ADGRL3: variants seen among roughly 807,000 people sequenced by gnomAD.
ADGRL3 encodes calcium-independent alpha-latrotoxin receptor 3.
A neutral mutation model predicts 153.5 loss-of-function variants in ADGRL3; 62 were observed. The observed-to-expected ratio is 0.40, with a 90% CI of 0.33 to 0.50. The LOEUF (loss-of-function observed/expected upper bound fraction) is 0.50. ADGRL3 is among the 20% of genes least tolerant of loss of function. ADGRL3 has a pLI of 0.47. For missense variants in ADGRL3, 1,641 were observed against 1,859.4 expected (o/e 0.88, Z 2.16); for synonymous variants, 710 against 672.5 (o/e 1.06, Z -0.86).
chr4:62,036,297 C>T (rs1724953342), intron 23 of ADGRL3, among the ~76,000 whole-genome samples: 1 of 151,914 alleles, frequency 6.6e-6, no homozygotes, highest in Non-Finnish European at 1.5e-5. Flanking sequence ...TTTATTTCAA[C>T]TTCACTCTGT....
intron 2 of ADGRL3, among the ~76,000 whole-genome samples, chr4:61,465,906 G>C (rs1361272969): frequency 6.6e-6 from 1 of 151,660 alleles, no homozygotes; most frequent in Non-Finnish European, 1.5e-5. Flanking sequence ...TGGATTGCCT[G>C]AACTCAGGTG....
chr4:62,036,727 G>A (rs1009044521), intron 23 of ADGRL3, among the ~76,000 whole-genome samples: 8 of 151,908 alleles, frequency 5.3e-5, no homozygotes, highest in Admixed American at 3.3e-4. Flanking sequence ...GCACTAATGC[G>A]AAATCAAATA....
In ADGRL3 at chr4:61,897,084, T is replaced by C. The variant is rs1010779803; in HGVS notation, c.1887+1250T>C. Among the ~76,000 whole-genome samples, 4 of 152,224 alleles carry C rather than the reference T, an allele frequency of 2.6e-5. 1 individual carries two copies. The highest frequency in any genetic ancestry group is 4.1e-4 in the South Asian group (2 of 4,830). On this transcript the variant is annotated intron_variant, in intron 11 of 26. Transcript: ENST00000683033. The stretch of plus-strand genomic sequence containing the variant: ...ATAATGATGCTTAATTCTTTTCTTT[T>C]CTCTGCAGCCCAGCTAATCTTAGGA...
At chr4:61,851,207 A>G (rs2098198369) in intron 9 of ADGRL3, among the ~76,000 whole-genome samples, 1 of 152,208 alleles carries the variant, frequency 6.6e-6, no homozygotes, top group Non-Finnish European at 1.5e-5. Context: ...GATCTTCAGT[A>G]GTAACATAAG....
At chr4:62,034,652 T>C (rs1206002563) in intron 23 of ADGRL3, among the ~76,000 whole-genome samples, 4 of 151,886 alleles carry the variant, frequency 2.6e-5, no homozygotes, top group African/African-American at 7.2e-5. Context: ...TAGTTGCTTA[T>C]ATATTTTGAT....
At chr4:62,056,286 T>G (rs1446590004) in intron 25 of ADGRL3, among the ~76,000 whole-genome samples, 3 of 151,864 alleles carry the variant, frequency 2.0e-5, no homozygotes, top group African/African-American at 7.2e-5. Flanking sequence ...AATATATATT[T>G]GGAGTACTTC....
At chr4:61,513,322 T>C (rs2098473599) in intron 3 of ADGRL3, among the ~76,000 whole-genome samples, 1 of 152,194 alleles carries the variant, frequency 6.6e-6, no homozygotes, top group South Asian at 2.1e-4. Flanking sequence ...TGAATTCTGA[T>C]ATTTATGGGT....
At chr4:61,540,442 G>A (rs1448452391) in intron 4 of ADGRL3, among the ~76,000 whole-genome samples, 5 of 151,894 alleles carry the variant, frequency 3.3e-5, no homozygotes, top group Non-Finnish European at 5.9e-5. Context: ...CCAGCTATCC[G>A]GGAGGCTGAG....
chr4:62,037,840 A>T lies in ADGRL3; in HGVS notation c.3701A>T (p.Tyr1234Phe). The T allele has an allele frequency of 6.2e-7, 1 of 1,613,662 alleles. No homozygotes were observed. Among genetic ancestry groups the T allele is most frequent in the Non-Finnish European group, 8.5e-7 (1 of 1,179,738 alleles). The change falls in exon 24 of 27, where the codon TAC (tyrosine) becomes TTC (phenylalanine). Residue 1234 changes from tyrosine (Y) to phenylalanine (F), a missense_variant. Around this residue, in one of 5 missense-constraint regions of ADGRL3, gnomAD observed 517 missense variants for 555.0 expected, o/e 0.93. Coordinates refer to ENST00000683033, the MANE Select transcript of ADGRL3 (RefSeq NM_001387552.1). ...TCTGGTTCTCGAACTCCTGGACGCT[A>T]CTCCACAGGCTCACAGGTAAACAAT... ...KTSGSRTPGR[Y>F]STGSQSRIRR...
chr4:61,804,293 A>G (rs1423456035), intron 8 of ADGRL3, among the ~76,000 whole-genome samples: 1 of 152,146 alleles, frequency 6.6e-6, no homozygotes, highest in Non-Finnish European at 1.5e-5. Flanking sequence ...TATTGATCTC[A>G]ATCAGCTAAC....
At chr4:62,039,926 G>C (rs888635596) in intron 24 of ADGRL3, among the ~76,000 whole-genome samples, 1 of 151,998 alleles carries the variant, frequency 6.6e-6, no homozygotes, top group Non-Finnish European at 1.5e-5. Context: ...ATAATATTTA[G>C]GAGTCTCATT....
chr4:61,925,229 C>G (rs1373420798), intron 13 of ADGRL3, among the ~76,000 whole-genome samples: 1 of 152,092 alleles, frequency 6.6e-6, no homozygotes, highest in Non-Finnish European at 1.5e-5. Context: ...AAGGAAAACC[C>G]TCTTTCCATC....
At chr4:61,387,208 C>A (rs1032614030) in intron 2 of ADGRL3, among the ~76,000 whole-genome samples, 3 of 151,896 alleles carry the variant, frequency 2.0e-5, no homozygotes, top group South Asian at 2.1e-4. Flanking sequence ...AGGGAGTGTG[C>A]GAAGAGGTGT....
At chr4:61,238,840 A>G (rs953928653) in intron 1 of ADGRL3, among the ~76,000 whole-genome samples, 2 of 152,184 alleles carry the variant, frequency 1.3e-5, no homozygotes, top group Non-Finnish European at 2.9e-5. Flanking sequence ...ATTTGAAGTA[A>G]TACACATTCC....
intron 8 of ADGRL3, among the ~76,000 whole-genome samples, chr4:61,771,358 C>T (rs963886771): frequency 6.6e-6 from 1 of 152,146 alleles, no homozygotes; most frequent in Non-Finnish European, 1.5e-5. Flanking sequence ...TTCATAACTG[C>T]ATAATTCCAT....
intron 1 of ADGRL3, among the ~76,000 whole-genome samples, chr4:61,316,565 C>A (rs2095221255): frequency 6.6e-6 from 1 of 152,052 alleles, no homozygotes; most frequent in Admixed American, 6.6e-5. Flanking sequence ...TTGTTTACAC[C>A]GTAAAAAGAT....
chr4:61,978,191 C>G (rs2099054665), intron 17 of ADGRL3, among the ~76,000 whole-genome samples: 1 of 152,106 alleles, frequency 6.6e-6, no homozygotes, highest in South Asian at 2.1e-4. Context: ...ACAACTCCTT[C>G]TTGTCAACTC....
chr4:61,400,511 T>C (rs1305456567), intron 2 of ADGRL3, among the ~76,000 whole-genome samples: 1 of 151,886 alleles, frequency 6.6e-6, no homozygotes, highest in African/African-American at 2.4e-5. Context: ...CACTATATAT[T>C]GTTCCTGGGA....
At chr4:61,979,317 G>A (rs1299135650) in intron 17 of ADGRL3, among the ~76,000 whole-genome samples, 1 of 152,314 alleles carries the variant, frequency 6.6e-6, no homozygotes, top group East Asian at 1.9e-4. Flanking sequence ...GAAAATGCTT[G>A]TAGCTAAGAA....
Sources: allele counts gnomAD v4.1 joint callset (sites outside exome capture counted in the v4.1 genomes callset), GRCh38; gene constraint gnomAD v4.1.1; regional missense constraint gnomAD v4.1.1; transcripts MANE v1.5; gene names NCBI Gene and HGNC (gene_info 2026-07-23, HGNC 2026-07-21).